The following BRSK2 variants were observed in gnomAD, a reference collection of about 807,000 sequenced individuals.
BRSK2 encodes the protein BR serine/threonine kinase 2.
In BRSK2, 19 loss-of-function variants were observed where a neutral mutation model predicts 83.3. The observed-to-expected ratio is 0.23, with a 90% CI of 0.16 to 0.33. The LOEUF is 0.33. Ranked by LOEUF, BRSK2 falls within the 10% of genes least tolerant of loss-of-function variation. The pLI is 1.00. For missense variants in BRSK2, 798 were observed against 1,042.3 expected (o/e 0.77, Z 3.23); for synonymous variants, 519 against 435.4 (o/e 1.19, Z -2.39).
At chr11:1,455,032 C>T (rs370512015) in intron 16 of BRSK2, among the ~76,000 whole-genome samples, 27 of 152,122 alleles carry the variant, frequency 1.8e-4, no homozygotes, top group Non-Finnish European at 3.4e-4. Context: ...CAGTGGACAG[C>T]CCCAGCCCTC....
At chr11:1,434,155 G>C (rs1407943789) in intron 1 of BRSK2, among the ~76,000 whole-genome samples, 4 of 152,262 alleles carry the variant, frequency 2.6e-5, no homozygotes, top group Non-Finnish European at 5.9e-5. Context: ...GGAGCCCAGA[G>C]CACACCCACA....
chr11:1,402,988 A>G (rs2134059398), intron 1 of BRSK2, among the ~76,000 whole-genome samples: 1 of 152,234 alleles, frequency 6.6e-6, no homozygotes, highest in African/African-American at 2.4e-5. Flanking sequence ...AGCAAAAGCC[A>G]GAGCCGCCGA....
chr11:1,414,385 C>A (rs1847878053), intron 1 of BRSK2, among the ~76,000 whole-genome samples: 2 of 152,178 alleles, frequency 1.3e-5, no homozygotes, highest in Non-Finnish European at 2.9e-5. Context: ...TAGGAACTTC[C>A]CTCTGTAGAG....
At chr11:1,407,032 G>A (rs1280283436) in intron 1 of BRSK2, among the ~76,000 whole-genome samples, 3 of 152,162 alleles carry the variant, frequency 2.0e-5, no homozygotes, top group African/African-American at 2.4e-5. Context: ...GATGACAGGC[G>A]GAGGCTCCTA....
intron 15 of BRSK2, 77 bp downstream of exon 15, chr11:1,451,496 A>G (rs1221499580): frequency 2.4e-5 from 35 of 1,469,344 alleles, no homozygotes; most frequent in South Asian, 3.4e-5. Flanking sequence ...CCCTTCCCCT[A>G]TGGCCAACGG....
In BRSK2 at chr11:1,447,655, C is replaced by T. The variant is rs192633740; in HGVS notation, c.1226+1748C>T. The T allele has an allele frequency of 7.4e-4, 570 of 768,148 alleles. 4 individuals are homozygous for T. In the African/African-American group the frequency reaches 9.1e-3, roughly 12 times the overall value. 47.6% of individuals were successfully genotyped at this position (768,148 alleles called of 1,614,324 possible). ...ACACGGTGCGGGGTGTGCTGTCTGG[C>T]CCAGCCTCCTCTCTCGCCATCTTTG... On this transcript the variant is annotated intron_variant, in intron 12 of 19. Transcript: ENST00000528841.
Position 1,436,250 on chromosome 11 carries a change from G to GGGGGGGGGGTGGC in BRSK2, c.186+116_186+117insGGGGGGGGGTGGC. The GGGGGGGGGGTGGC allele has an allele frequency of 1.2e-5, 2 of 168,876 alleles. 1 individual carries two copies. The highest frequency in any genetic ancestry group is 1.9e-5 in the Non-Finnish European group (2 of 104,758). 10.5% of individuals were successfully genotyped at this position (168,876 alleles called of 1,614,324 possible). A position where few individuals can be genotyped will look rare whatever the true frequency, so the allele number is the denominator to read the frequency against. On this transcript the variant is annotated intron_variant, in intron 2 of 19. Transcript: ENST00000528841. Reference sequence around the variant, plus strand: ...GTGCTGGATGCGGGTGGGGGGGCGGGCCCTGCAGGCTCCTGGGCCGCCACA... The same window carrying GGGGGGGGGGTGGC: ...GTGCTGGATGCGGGTGGGGGGGCGGGGGGGGGGGGTGGCCCCTGCAGGCTCCTGGGCCGCCACA...
intron 1 of BRSK2, among the ~76,000 whole-genome samples, chr11:1,397,189 C>T (rs903366083): frequency 4.6e-5 from 7 of 152,234 alleles, no homozygotes; most frequent in African/African-American, 9.6e-5. Context: ...GCTGACCAAG[C>T]GGCCTGCAGA....
intron 1 of BRSK2, among the ~76,000 whole-genome samples, chr11:1,422,668 T>C (rs1848750252): frequency 6.6e-6 from 1 of 152,160 alleles, no homozygotes; most frequent in Admixed American, 6.5e-5. Context: ...CTGACAGTCC[T>C]GTCCATGGTG....
At chr11:1,425,870 C>T (rs904731819) in intron 1 of BRSK2, among the ~76,000 whole-genome samples, 38 of 152,006 alleles carry the variant, frequency 2.5e-4, no homozygotes, top group Non-Finnish European at 4.7e-4. Context: ...CAGGGGAGGG[C>T]GTGGGGGGAA....
chr11:1,445,714 C>T lies in BRSK2; in HGVS notation c.1076-43C>T, dbSNP rs186303715. On this transcript the variant is annotated intron_variant, in intron 11 of 19. Coordinates refer to ENST00000528841, the MANE Select transcript of BRSK2 (RefSeq NM_001256627.2). ...TCCAGCCCGGCCTGCACTGCCCCAC[C>T]GGGGTCCGGGGGCTGTCTGGCCTGA... 1,509 of 1,610,908 alleles carry T rather than the reference C, an allele frequency of 9.4e-4. 11 individuals carry two copies. In the African/African-American group the frequency reaches 0.016, roughly 18 times the overall value.
At chr11:1,449,866 G>A (rs375403010) in intron 13 of BRSK2, 30 bp downstream of exon 13, 7 of 1,536,420 alleles carry the variant, frequency 4.6e-6, no homozygotes, top group East Asian at 4.6e-5. Flanking sequence ...CACCCAGCTC[G>A]GATGCACAGA....
intron 1 of BRSK2, among the ~76,000 whole-genome samples, chr11:1,404,662 C>T (rs1846710495): frequency 1.3e-5 from 2 of 152,206 alleles, no homozygotes; most frequent in African/African-American, 4.8e-5. Context: ...CCACAAGGCA[C>T]TCAGGGACAG....
intron 2 of BRSK2, among the ~76,000 whole-genome samples, chr11:1,437,368 T>C (rs2133026506): frequency 6.6e-6 from 1 of 152,312 alleles, no homozygotes; most frequent in Admixed American, 6.5e-5. Context: ...TCCTGAGGGC[T>C]GGGACCCCAG....
At chr11:1,429,280 GGT>G (rs1421748886) in intron 1 of BRSK2, among the ~76,000 whole-genome samples, 1 of 109,212 alleles carries the variant, frequency 9.2e-6, no homozygotes, top group Non-Finnish European at 1.7e-5. Context: ...CACTCGTGTG[GGT>G]GTGTGCACTG....
intron 1 of BRSK2, among the ~76,000 whole-genome samples, chr11:1,416,826 TTAG>T (rs773075746): frequency 2.6e-5 from 4 of 152,152 alleles, no homozygotes; most frequent in Non-Finnish European, 5.9e-5. Flanking sequence ...GCTGATGTAT[TTAG>T]TACATTTGGG....
In BRSK2 at chr11:1,454,241, C is replaced by T. The variant is rs764874221; in HGVS notation, c.1545-244C>T. Reference sequence around the variant, plus strand: ...GGTGGCATATGGGCCAGGGTCAGGGCGTTAGGGCTTGGAGAAAGGTTAGGG... The same window carrying T: ...GGTGGCATATGGGCCAGGGTCAGGGTGTTAGGGCTTGGAGAAAGGTTAGGG... On this transcript the variant is annotated intron_variant, in intron 15 of 19. Transcript: ENST00000528841. The surrounding 1 kb of genome is among the most constrained non-coding windows in gnomAD (Gnocchi z 5.2). 7.1e-6 allele frequency: 3 copies of T among 419,738 alleles called. No homozygotes were observed. The highest frequency in any genetic ancestry group is 4.9e-5 in the East Asian group (1 of 20,504). 26.0% of individuals were successfully genotyped at this position (419,738 alleles called of 1,614,324 possible).
intron 18 of BRSK2, among the ~76,000 whole-genome samples, chr11:1,458,537 G>T (rs117445905): frequency 0.028 from 4,313 of 152,278 alleles, 76 homozygotes; most frequent in Middle Eastern, 0.051. Flanking sequence ...CCAGCAGGGG[G>T]CCTCCTCAGA....
intron 1 of BRSK2, among the ~76,000 whole-genome samples, chr11:1,399,629 G>T (rs1336286369): frequency 6.6e-6 from 1 of 152,176 alleles, no homozygotes; most frequent in Non-Finnish European, 1.5e-5. Context: ...CAGGGCTCTG[G>T]GCTGGTGAGG....
Sources: allele counts gnomAD v4.1 joint callset (sites outside exome capture counted in the v4.1 genomes callset), GRCh38; gene constraint gnomAD v4.1.1; non-coding constraint Gnocchi (gnomAD v3.1); transcripts MANE v1.5; gene names NCBI Gene and HGNC (gene_info 2026-07-23, HGNC 2026-07-21).